The following GNG2 variants were observed in gnomAD, a reference collection of about 807,000 sequenced individuals.
The protein encoded by GNG2 is G protein subunit gamma 2.
Under a neutral mutation model 5.5 loss-of-function variants are expected in GNG2, and 5 were observed. The observed-to-expected ratio is 0.91, with a 90% CI of 0.48 to 1.92. The LOEUF is 1.92. Ranked by LOEUF, GNG2 falls within the 30% of genes most tolerant of loss-of-function variation. The probability of loss-of-function intolerance (pLI) is 0.01; values close to 1 mark genes in which losing one functional copy is unlikely to be tolerated. For missense variants in GNG2, 55 were observed against 88.4 expected (o/e 0.62, Z 1.52); for synonymous variants, 28 against 32.0 (o/e 0.88, Z 0.42).
Position 51,968,471 on chromosome 14 carries a change from G to A in GNG2, c.*1784G>A, listed in dbSNP as rs563276444. ...TCCTTAGCTCCTTCATGGGCATGCT[G>A]GTGAAAGAATAAATACATCCAATTA... On this transcript the variant is annotated 3_prime_UTR_variant, in exon 4 of 4. Transcript: ENST00000556766. 1.7e-3 allele frequency: 260 copies of A among 152,208 alleles called. 1 individual carries two copies. Among genetic ancestry groups the A allele is most frequent in the African/African-American group, 6.0e-3 (250 of 41,506 alleles). The allele number at this position is 152,208 out of a possible 1,614,324, so 9.4% of individuals were successfully genotyped here. A position where few individuals can be genotyped will look rare whatever the true frequency, so the allele number is the denominator to read the frequency against.
chr14:51,886,117 A>G (rs1200111217), intron 2 of GNG2, among the ~76,000 whole-genome samples: 3 of 152,240 alleles, frequency 2.0e-5, no homozygotes, highest in Non-Finnish European at 2.9e-5. Context: ...TAAAGCTTCA[A>G]TCGAAGTGGA....
At chr14:51,901,768 A>C (rs1566674870) in intron 2 of GNG2, among the ~76,000 whole-genome samples, 1 of 152,062 alleles carries the variant, frequency 6.6e-6, no homozygotes, top group Non-Finnish European at 1.5e-5. Context: ...GGGCAGAGTC[A>C]GTTGGAGCAT....
At chr14:51,934,737 TG>T (rs1212066130) in intron 2 of GNG2, among the ~76,000 whole-genome samples, 7 of 152,186 alleles carry the variant, frequency 4.6e-5, no homozygotes, top group African/African-American at 1.4e-4. Context: ...AGCATCTTCA[TG>T]TCTCTGCTAC....
rs557981589 is a variant in GNG2, at chr14:51,948,844, G to A, written c.-29-1806G>A. On this transcript the variant is annotated intron_variant, in intron 2 of 3. Coordinates refer to ENST00000556766, the MANE Select transcript of GNG2 (RefSeq NM_053064.5). ...TTTGAAAATAAATTGAGGGATGGCC[G>A]GGCGTGGTGGCTCATGCCTGTAATC... Among the ~76,000 whole-genome samples the A allele has an allele frequency of 1.3e-3, 197 of 152,022 alleles. 1 individual carries two copies. The highest frequency in any genetic ancestry group is 1.5e-3 in the Non-Finnish European group (99 of 68,010).
intron 2 of GNG2, among the ~76,000 whole-genome samples, chr14:51,935,021 CTTTCTTTTTT>C (rs1262390723): frequency 9.0e-6 from 1 of 111,302 alleles, no homozygotes; most frequent in Admixed American, 9.3e-5. Flanking sequence ...AGCCCAGTTT[CTTTCTTTTTT>C]TTTTTTTTTT....
At chr14:51,963,735 T>C (rs1405971810) in intron 3 of GNG2, among the ~76,000 whole-genome samples, 1 of 152,196 alleles carries the variant, frequency 6.6e-6, no homozygotes, top group East Asian at 1.9e-4. Flanking sequence ...CTCTATGATA[T>C]TGAACAACTT....
At chr14:51,857,095 T>G (rs1368748424), upstream of GNG2, among the ~76,000 whole-genome samples, 1 of 152,160 alleles carries the variant, frequency 6.6e-6, no homozygotes, top group African/African-American at 2.4e-5. Context: ...CAAATGCTAA[T>G]GGGTGAGATG....
At chr14:51,911,432 A>G (rs1373938474) in intron 2 of GNG2, among the ~76,000 whole-genome samples, 1 of 152,150 alleles carries the variant, frequency 6.6e-6, no homozygotes, top group Non-Finnish European at 1.5e-5. Context: ...TTGGAGACCC[A>G]TTGCCTGAGT....
At chr14:51,922,037 T>C (rs1345753802) in intron 2 of GNG2, among the ~76,000 whole-genome samples, 1 of 152,214 alleles carries the variant, frequency 6.6e-6, no homozygotes, top group Non-Finnish European at 1.5e-5. Flanking sequence ...TGTTATATTA[T>C]AAGTGGTTAT....
In GNG2 at chr14:51,835,206, A is replaced by G. The variant is rs184229854; in HGVS notation, c.64+7399A>G. Among the ~76,000 whole-genome samples, 226 of 152,356 alleles carry G rather than the reference A, an allele frequency of 1.5e-3. 3 individuals carry two copies. The highest frequency in any genetic ancestry group is 5.1e-3 in the African/African-American group (213 of 41,590). Reference sequence around the variant, plus strand: ...CTGAGAGTCAACAATTACTGTAAGAAGCAAGAAGCAGCAGTGAACTAATTG... The same window carrying G: ...CTGAGAGTCAACAATTACTGTAAGAGGCAAGAAGCAGCAGTGAACTAATTG... On this transcript the variant is annotated intron_variant, in intron 2 of 3. Coordinates refer to the GNG2 transcript ENST00000553432.
chr14:51,957,775 C>T (rs57859518), intron 3 of GNG2, among the ~76,000 whole-genome samples: 49,768 of 152,018 alleles, frequency 0.33, 8,895 homozygotes, highest in Non-Finnish European at 0.39. Context: ...TTTAGACTTC[C>T]GTGACCTTCA....
intron 2 of GNG2, among the ~76,000 whole-genome samples, chr14:51,883,931 C>T (rs776164970): frequency 1.3e-5 from 2 of 151,596 alleles, no homozygotes; most frequent in Non-Finnish European, 2.9e-5. Flanking sequence ...GAAATTCATG[C>T]AGAAAAAAAC....
At chr14:51,907,790 G>A (rs1886025812) in intron 2 of GNG2, among the ~76,000 whole-genome samples, 1 of 152,162 alleles carries the variant, frequency 6.6e-6, no homozygotes, top group South Asian at 2.1e-4. Flanking sequence ...CATCATTAGT[G>A]GTATCCTCCT....
chr14:51,966,845 T>G lies in GNG2; in HGVS notation c.*158T>G. 3.4e-6 allele frequency: 2 copies of G among 590,280 alleles called. No homozygotes were observed. Among genetic ancestry groups the G allele is most frequent in the Non-Finnish European group, 5.9e-6 (2 of 336,686 alleles). 36.6% of individuals were successfully genotyped at this position (590,280 alleles called of 1,614,324 possible). On this transcript the variant is annotated 3_prime_UTR_variant, in exon 4 of 4. Coordinates refer to ENST00000556766, the MANE Select transcript of GNG2 (RefSeq NM_053064.5). ...GCATGTTTAAAGATCTGGTCCCCTT[T>G]ATGAGAATGCAAGCCGATCCACATC...
intron 2 of GNG2, among the ~76,000 whole-genome samples, chr14:51,830,582 C>A (rs1029297659): frequency 1.3e-5 from 2 of 152,188 alleles, no homozygotes; most frequent in African/African-American, 2.4e-5. Context: ...AGCCAAAAAG[C>A]AGAGTCAATT....
chr14:51,887,018 G>C (rs1429634639), intron 2 of GNG2, among the ~76,000 whole-genome samples: 3 of 152,134 alleles, frequency 2.0e-5, no homozygotes, highest in Non-Finnish European at 4.4e-5. Context: ...GTTTAAACCA[G>C]CTTTCACATT....
chr14:51,962,469 G>A (rs541402127), intron 3 of GNG2, among the ~76,000 whole-genome samples: 4 of 152,192 alleles, frequency 2.6e-5, no homozygotes, highest in African/African-American at 9.6e-5. Context: ...TCCATTTGAG[G>A]TTAGTGAAAA....
At chr14:51,966,115 C>T (rs1224320562) in intron 3 of GNG2, among the ~76,000 whole-genome samples, 1 of 134,364 alleles carries the variant, frequency 7.4e-6, no homozygotes, top group Non-Finnish European at 1.5e-5. Flanking sequence ...GTGGCTGAGG[C>T]AAGATAATTG....
chr14:51,887,652 G>A (rs1042122346), intron 2 of GNG2, among the ~76,000 whole-genome samples: 1 of 152,216 alleles, frequency 6.6e-6, no homozygotes, highest in African/African-American at 2.4e-5. Flanking sequence ...AGGCAGTGTG[G>A]TGTAGAGAAA....
Sources: allele counts gnomAD v4.1 joint callset (sites outside exome capture counted in the v4.1 genomes callset), GRCh38; gene constraint gnomAD v4.1.1; transcripts MANE v1.5; gene names NCBI Gene and HGNC (gene_info 2026-07-23, HGNC 2026-07-21).